The following CXCL13 variants were observed in gnomAD, a reference collection of about 807,000 sequenced individuals.
CXCL13 encodes the protein C-X-C motif chemokine ligand 13, also known as C-X-C motif chemokine 13.
In CXCL13, 7 loss-of-function variants were observed where a neutral mutation model predicts 12.2. The observed-to-expected ratio is 0.57, with a 90% confidence interval of 0.33 to 1.07. The LOEUF is 1.07. Ranked by LOEUF, CXCL13 falls within the 50% of genes least tolerant of loss-of-function variation. The pLI, the probability that CXCL13 is intolerant of heterozygous loss-of-function variation, is 0.04. For synonymous variants in CXCL13, 47 were observed against 42.4 expected (o/e 1.11, Z -0.42); for missense variants, 113 against 127.4 (o/e 0.89, Z 0.55).
chr4:77,537,191 GGGA>G (rs1181651540), intron 1 of CXCL13, among the ~76,000 whole-genome samples: 3 of 152,194 alleles, frequency 2.0e-5, no homozygotes, highest in Admixed American at 2.0e-4. Flanking sequence ...TTATTACTCT[GGGA>G]CTGGCAGCTA....
chr4:77,566,194 G>T (rs188588578), intron 1 of CXCL13, among the ~76,000 whole-genome samples: 2 of 152,244 alleles, frequency 1.3e-5, no homozygotes, highest in South Asian at 4.1e-4. Context: ...AATTTCTTCC[G>T]TCCCGCTTCA....
chr4:77,564,211 A>G (rs1725874745), intron 1 of CXCL13, among the ~76,000 whole-genome samples: 1 of 152,244 alleles, frequency 6.6e-6, no homozygotes, highest in Non-Finnish European at 1.5e-5. Context: ...AGTAGCTTTC[A>G]GGAAAACTAG....
At chr4:77,570,791 A>T (rs2109818477) in intron 1 of CXCL13, among the ~76,000 whole-genome samples, 1 of 152,092 alleles carries the variant, frequency 6.6e-6, no homozygotes, top group East Asian at 1.9e-4. Flanking sequence ...CTGGGCAGTG[A>T]GGGGCTTAGC....
intron 1 of CXCL13, among the ~76,000 whole-genome samples, chr4:77,542,909 T>C (rs1465906343): frequency 6.6e-6 from 1 of 152,080 alleles, no homozygotes. Flanking sequence ...CTCTCCTTAA[T>C]TTTTTGGGAA....
chr4:77,558,487 G>A (rs1725718306), intron 1 of CXCL13, among the ~76,000 whole-genome samples: 1 of 152,138 alleles, frequency 6.6e-6, no homozygotes, highest in African/African-American at 2.4e-5. Flanking sequence ...CAAGTAACTG[G>A]GACTACAGGT....
At chr4:77,562,285 C>T (rs1419070439) in intron 1 of CXCL13, among the ~76,000 whole-genome samples, 1 of 151,512 alleles carries the variant, frequency 6.6e-6, no homozygotes, top group Non-Finnish European at 1.5e-5. Context: ...CCCTGCTCTG[C>T]TGCGCTGGGT....
intron 1 of CXCL13, among the ~76,000 whole-genome samples, chr4:77,556,502 G>A (rs1442010577): frequency 2.0e-5 from 3 of 152,272 alleles, no homozygotes; most frequent in East Asian, 1.9e-4. Context: ...TAATGGAAAT[G>A]TCCTATAGCT....
intron 1 of CXCL13, among the ~76,000 whole-genome samples, chr4:77,599,000 G>A (rs1030610910): frequency 2.6e-5 from 4 of 151,952 alleles, no homozygotes; most frequent in Non-Finnish European, 5.9e-5. Context: ...GTAGAGCCAG[G>A]GTTTCACCAT....
intron 1 of CXCL13, among the ~76,000 whole-genome samples, chr4:77,562,641 A>G (rs139758721): frequency 9.7e-4 from 137 of 141,390 alleles, no homozygotes; most frequent in African/African-American, 4.1e-3. Flanking sequence ...CTCTGTATCT[A>G]GCTAATCTGG....
upstream of CXCL13, among the ~76,000 whole-genome samples, chr4:77,601,419 GA>G (rs576425429): frequency 8.6e-5 from 13 of 151,706 alleles, no homozygotes; most frequent in African/African-American, 2.7e-4. Flanking sequence ...AGAAAATGAT[GA>G]AAAAAAATAA....
chr4:77,607,894 G>A (rs1727030835), intron 2 of CXCL13, 59 bp downstream of exon 2: 7 of 1,535,556 alleles, frequency 4.6e-6, no homozygotes, highest in Non-Finnish European at 4.5e-6. Context: ...CAGATCAAAT[G>A]TTACCATACA....
upstream of CXCL13, among the ~76,000 whole-genome samples, chr4:77,602,084 T>G (rs1726890381): frequency 6.6e-6 from 1 of 152,260 alleles, no homozygotes; most frequent in East Asian, 1.9e-4. Flanking sequence ...ACATTTGTCC[T>G]ATCTCTTACT....
intron 1 of CXCL13, among the ~76,000 whole-genome samples, chr4:77,587,150 G>T (rs988646146): frequency 2.6e-5 from 4 of 152,158 alleles, no homozygotes; most frequent in Admixed American, 2.0e-4. Context: ...AGTCAACAGT[G>T]CTCTGAACAA....
chr4:77,575,562 A>G (rs1211710406), intron 1 of CXCL13, among the ~76,000 whole-genome samples: 2 of 151,614 alleles, frequency 1.3e-5, no homozygotes, highest in Non-Finnish European at 2.9e-5. Flanking sequence ...TTTTCTGTCC[A>G]TGTGATATTT....
intron 1 of CXCL13, among the ~76,000 whole-genome samples, chr4:77,600,410 C>T (rs537686457): frequency 6.6e-6 from 1 of 152,234 alleles, no homozygotes; most frequent in South Asian, 2.1e-4. Context: ...TTCAAAATTG[C>T]ATAAGGGTTC....
In CXCL13 at chr4:77,519,620, T is replaced by C. The variant is rs1724524733; in HGVS notation, c.-43+7832T>C. On this transcript the variant is annotated intron_variant, in intron 1 of 4. Transcript: ENST00000286758. Reference sequence around the variant, plus strand: ...TTGTAGATTCTGGATATTAGCCCTTTGTCAGATGGGTCAATTGCAAAAGTT... The same window carrying C: ...TTGTAGATTCTGGATATTAGCCCTTCGTCAGATGGGTCAATTGCAAAAGTT... Among the ~76,000 whole-genome samples the C allele has an allele frequency of 2.6e-5, 4 of 152,368 alleles. 1 individual carries two copies. In the South Asian group the frequency reaches 8.3e-4, roughly 32 times the overall value.
At chr4:77,599,660 G>A (rs1210944342) in intron 1 of CXCL13, among the ~76,000 whole-genome samples, 4 of 152,192 alleles carry the variant, frequency 2.6e-5, no homozygotes, top group Admixed American at 6.5e-5. Flanking sequence ...GACAGCAAAG[G>A]GATGAGGCAG....
At chr4:77,548,373 C>T (rs1307202457) in intron 1 of CXCL13, among the ~76,000 whole-genome samples, 1 of 152,202 alleles carries the variant, frequency 6.6e-6, no homozygotes, top group South Asian at 2.1e-4. Flanking sequence ...TTGTTCCAGT[C>T]ATGTGCAAGT....
chr4:77,571,049 G>A (rs1726065262), intron 1 of CXCL13, among the ~76,000 whole-genome samples: 1 of 152,016 alleles, frequency 6.6e-6, no homozygotes, highest in Admixed American at 6.5e-5. Flanking sequence ...AGGAGTGTGA[G>A]CGCATGGCGC....
Sources: allele counts gnomAD v4.1 joint callset (sites outside exome capture counted in the v4.1 genomes callset), GRCh38; gene constraint gnomAD v4.1.1; transcripts MANE v1.5; gene names NCBI Gene and HGNC (gene_info 2026-07-23, HGNC 2026-07-21).